Variants in FRMD6 observed in about 807,000 individuals in gnomAD.
The protein encoded by FRMD6 is FERM domain-containing protein 6.
Under a neutral mutation model 73.2 loss-of-function variants are expected in FRMD6, and 37 were observed. The observed-to-expected ratio is 0.51, with a 90% CI of 0.39 to 0.66. The LOEUF (loss-of-function observed/expected upper bound fraction) is 0.66. Among genes scored for constraint, FRMD6 ranks in the 30% least tolerant of loss-of-function variants. FRMD6 has a pLI of 0.00. For missense variants in FRMD6, 714 were observed against 780.5 expected (o/e 0.91, Z 1.02); for synonymous variants, 273 against 282.2 (o/e 0.97, Z 0.33).
At chr14:51,409,136 A>T in the FRMD6 span, among the ~76,000 whole-genome samples, 5 of 152,230 alleles carry the variant, frequency 3.3e-5, no homozygotes, top group South Asian at 2.1e-4. Context: ...TTACCTGAGC[A>T]TGAACCTCTT....
intron 2 of FRMD6, among the ~76,000 whole-genome samples, chr14:51,630,833 G>A (rs1891308226): frequency 6.6e-6 from 1 of 152,114 alleles, no homozygotes. Flanking sequence ...GTAACAATGG[G>A]ATTTTACAAT....
At chr14:51,667,080 G>A (rs12589454) in intron 1 of FRMD6, among the ~76,000 whole-genome samples, 1 of 151,908 alleles carries the variant, frequency 6.6e-6, no homozygotes, top group Non-Finnish European at 1.5e-5. Flanking sequence ...GCTGCAGTGA[G>A]CTGTGATCAT....
chr14:51,404,863 T>A, the FRMD6 span, among the ~76,000 whole-genome samples: 3 of 152,182 alleles, frequency 2.0e-5, no homozygotes, highest in African/African-American at 7.2e-5. Context: ...TATAGATTAT[T>A]TAATCACCCA....
intron 2 of FRMD6, among the ~76,000 whole-genome samples, chr14:51,597,191 A>C (rs1043557667): frequency 2.0e-5 from 3 of 152,226 alleles, no homozygotes; most frequent in Non-Finnish European, 1.5e-5. Context: ...GGAGATCATC[A>C]CACATGCATT....
chr14:51,721,777 G>C lies in FRMD6; in HGVS notation c.1361-172G>C, dbSNP rs528090416. Among the ~76,000 whole-genome samples, 14 of 121,990 alleles carry C rather than the reference G, an allele frequency of 1.1e-4. No homozygotes were observed. In the East Asian group the frequency reaches 2.7e-3, roughly 23 times the overall value. 80.0% of individuals were successfully genotyped at this position (121,990 alleles called of 152,430 possible). A position where few individuals can be genotyped will look rare whatever the true frequency, so the allele number is the denominator to read the frequency against. On this transcript the variant is annotated intron_variant, in intron 11 of 13. Transcript: ENST00000344768. ...AAGGAAGGAGGGAAGGAGGGAAGGA[G>C]TAAACAAGTAGTACCTGTTGAAAAT...
the FRMD6 span, among the ~76,000 whole-genome samples, chr14:51,467,258 A>G: frequency 6.6e-6 from 1 of 152,220 alleles, no homozygotes; most frequent in African/African-American, 2.4e-5. Context: ...GACACAGCAC[A>G]TGTTTCAGAG....
At chr14:51,492,103 T>A (rs1019850113) in intron 1 of FRMD6, among the ~76,000 whole-genome samples, 2 of 152,242 alleles carry the variant, frequency 1.3e-5, no homozygotes, top group African/African-American at 4.8e-5. Context: ...TGCTGCTGTT[T>A]CCGGAGACAG....
intron 1 of FRMD6, among the ~76,000 whole-genome samples, chr14:51,532,735 G>A (rs1458374394): frequency 6.6e-6 from 1 of 152,200 alleles, no homozygotes; most frequent in Non-Finnish European, 1.5e-5. Context: ...GACAGAGTTT[G>A]TACTTAGTTC....
intron 8 of FRMD6, 95 bp from the exon 9 acceptor site, chr14:51,712,388 A>G (rs914855132): frequency 1.4e-6 from 1 of 725,250 alleles, no homozygotes; most frequent in Non-Finnish European, 2.4e-6. Flanking sequence ...TCAGATTTTA[A>G]TTACTGTATT....
the FRMD6 span, among the ~76,000 whole-genome samples, chr14:51,442,388 C>T: frequency 3.3e-5 from 5 of 151,758 alleles, no homozygotes; most frequent in Non-Finnish European, 7.4e-5. Flanking sequence ...CCTCTTTTTT[C>T]GAAGGTTTTA....
the FRMD6 span, among the ~76,000 whole-genome samples, chr14:51,442,197 G>A: frequency 1.3e-5 from 2 of 152,208 alleles, no homozygotes; most frequent in Non-Finnish European, 2.9e-5. Context: ...AGTAGAAAGT[G>A]CTCAGTGGTT....
intron 2 of FRMD6, among the ~76,000 whole-genome samples, chr14:51,640,647 C>CT (rs1270615708): frequency 1.3e-5 from 2 of 152,082 alleles, no homozygotes; most frequent in African/African-American, 2.4e-5. Context: ...ATTATATATT[C>CT]TTTATTGTAA....
At position 51,537,281 on chromosome 14, in the gene FRMD6, C is replaced by G. The variant is rs551410904; in HGVS notation, c.-209-33067C>G. Among the ~76,000 whole-genome samples the G allele has an allele frequency of 3.3e-5, 5 of 152,282 alleles. No homozygotes were observed. The East Asian group carries it at 7.7e-4, about 23-fold the overall frequency. ...ATGTAACCTTTCCAGAATGGCTTCC[C>G]TCCCTTAGTAATATACATTGAAGTT... On this transcript the variant is annotated intron_variant, in intron 1 of 14. Transcript: ENST00000356218.
intron 5 of FRMD6, among the ~76,000 whole-genome samples, chr14:51,703,949 T>A (rs1401320942): frequency 6.6e-6 from 1 of 152,094 alleles, no homozygotes; most frequent in Non-Finnish European, 1.5e-5. Context: ...CCAGTAAATA[T>A]TTTTTGGAGC....
chr14:51,662,949 A>G (rs1212293981), intron 1 of FRMD6, among the ~76,000 whole-genome samples: 3 of 152,210 alleles, frequency 2.0e-5, no homozygotes, highest in African/African-American at 7.2e-5. Context: ...AAATCCATTA[A>G]AATGTGGGCA....
At chr14:51,535,807 A>G (rs1885850771) in intron 1 of FRMD6, among the ~76,000 whole-genome samples, 1 of 152,018 alleles carries the variant, frequency 6.6e-6, no homozygotes, top group South Asian at 2.1e-4. Context: ...TAACAATCCC[A>G]CCAGCAAGGT....
At chr14:51,697,719 C>T (rs557199130) in intron 2 of FRMD6, among the ~76,000 whole-genome samples, 1 of 151,770 alleles carries the variant, frequency 6.6e-6, no homozygotes, top group African/African-American at 2.4e-5. Context: ...TATATCAAAA[C>T]ATTATGTTGT....
rs546491853 is a variant in FRMD6, at chr14:51,490,620, G to GTGTGTGTGTGTGTGTGTGTA, written c.-210+1215_-210+1216insGTGTATGTGTGTGTGTGTGT. On this transcript the variant is annotated intron_variant, in intron 1 of 14. Coordinates refer to the FRMD6 transcript ENST00000356218. ...TGGACGATATATGTGTGTATTTTGT[G>GTGTGTGTGTGTGTGTGTGTA]TGTGTGTGTGTGTGTATAAAATGCG... is the stretch of plus-strand genomic sequence containing the variant. Among the ~76,000 whole-genome samples the GTGTGTGTGTGTGTGTGTGTA allele has an allele frequency of 2.3e-4, 35 of 151,950 alleles. No individual in the cohort carries two copies. In the South Asian group the frequency reaches 4.4e-3, roughly 19 times the overall value.
intron 2 of FRMD6, among the ~76,000 whole-genome samples, chr14:51,621,361 G>A (rs991947403): frequency 1.3e-5 from 2 of 152,126 alleles, no homozygotes; most frequent in African/African-American, 4.8e-5. Context: ...TAGCTTTTCT[G>A]CCTTTCTCTT....
Sources: gnomAD v4.1 joint callset for allele counts (sites outside exome capture counted in the v4.1 genomes callset) on GRCh38, gnomAD v4.1.1 for gene constraint, MANE v1.5 for transcripts, NCBI Gene and HGNC (gene_info 2026-07-23, HGNC 2026-07-21) for gene names.